SQOR: variants seen among roughly 807,000 people sequenced by gnomAD.
The protein encoded by SQOR is sulfide:quinone oxidoreductase, mitochondrial.
In SQOR, 39 loss-of-function variants were observed where a neutral mutation model predicts 48.6. The observed-to-expected ratio is 0.80, with a 90% CI of 0.62 to 1.05. SQOR has a LOEUF of 1.05. SQOR is among the 50% of genes least tolerant of loss of function. The pLI is 0.00. For synonymous variants in SQOR, 220 were observed against 206.2 expected (o/e 1.07, Z -0.57); for missense variants, 561 against 559.9 (o/e 1.00, Z -0.02).
intron 1 of SQOR, among the ~76,000 whole-genome samples, chr15:45,657,265 A>ATTTT (rs33993204): frequency 0.29 from 42,688 of 147,796 alleles, 6,303 homozygotes; most frequent in South Asian, 0.32. Context: ...TGGAGCCTGC[A>ATTTT]TTTTTTTTTT....
rs763038859 is a variant in SQOR at position 45,688,349 on chromosome 15, G to A, written c.1061G>A (p.Gly354Glu). 1.2e-6 allele frequency: 2 copies of A among 1,606,292 alleles called. No homozygotes were observed. The highest frequency in any genetic ancestry group is 4.5e-5 in the East Asian group (2 of 44,750). Reference sequence around the variant, plus strand: ...ATTTCTCTTATAGCTGCCCAGTCAGGAATACTTGATAGGACAATTTCTGTA... The same window carrying A: ...ATTTCTCTTATAGCTGCCCAGTCAGAAATACTTGATAGGACAATTTCTGTA... ...KTAAAVAAQS[G>E]ILDRTISVIM... The change falls in exon 8 of 10, where the codon GGA (glycine) becomes GAA (glutamate). Residue 354 changes from glycine to glutamate, a missense_variant. By Grantham distance (98) the Gly-to-Glu change is moderately conservative. Coordinates refer to ENST00000260324, the MANE Select transcript of SQOR (RefSeq NM_021199.4).
intron 9 of SQOR, 138 bp from the exon 10 acceptor site, chr15:45,690,835 C>T: frequency 1.3e-6 from 1 of 773,164 alleles, no homozygotes; most frequent in East Asian, 2.4e-5. Flanking sequence ...GGGATCTCTC[C>T]AACTCACTAG....
In SQOR at chr15:45,667,459, T is replaced by C. The variant is rs1041511519; in HGVS notation, c.406-2469T>C. 1.5e-4 allele frequency among the ~76,000 whole-genome samples: 23 copies of C among 152,264 alleles called. 1 individual carries two copies. Among genetic ancestry groups the C allele is most frequent in the African/African-American group, 5.5e-4 (23 of 41,552 alleles). On this transcript the variant is annotated intron_variant, in intron 3 of 9. Coordinates refer to ENST00000260324, the MANE Select transcript of SQOR (RefSeq NM_021199.4). ...GAGAATACTTGCAGATATTCAGCCT[T>C]CTGGCAAGGTCTACACTGTTGTGCG...
At chr15:45,687,709 A>C (rs1890247972) in intron 7 of SQOR, among the ~76,000 whole-genome samples, 1 of 151,738 alleles carries the variant, frequency 6.6e-6, no homozygotes, top group Non-Finnish European at 1.5e-5. Context: ...ACAAATCCCG[A>C]TGTATGTATG....
intron 1 of SQOR, among the ~76,000 whole-genome samples, chr15:45,640,673 C>T (rs636910): frequency 6.6e-6 from 1 of 151,968 alleles, no homozygotes; most frequent in Non-Finnish European, 1.5e-5. Flanking sequence ...TGGCCAGTCC[C>T]GTTTACAGTG....
At position 45,647,173 on chromosome 15, in the gene SQOR, C is replaced by T. The variant is rs547629940; in HGVS notation, c.-17-11734C>T. Among the ~76,000 whole-genome samples, 10 of 151,822 alleles carry T rather than the reference C, an allele frequency of 6.6e-5. 1 individual carries two copies. In the South Asian group the frequency reaches 1.9e-3, roughly 28 times the overall value. On this transcript the variant is annotated intron_variant, in intron 1 of 9. Coordinates refer to ENST00000260324, the MANE Select transcript of SQOR (RefSeq NM_021199.4). ...CTGAGACAGGAGAATCGCTTGAATC[C>T]GGGAGGAGGAGGTTGCAGTGAGCCG...
At chr15:45,638,210 G>A (rs1176915654) in intron 1 of SQOR, among the ~76,000 whole-genome samples, 1 of 152,184 alleles carries the variant, frequency 6.6e-6, no homozygotes, top group East Asian at 1.9e-4. Flanking sequence ...CTGTAACTTT[G>A]GGAAGGGCAA....
chr15:45,638,029 C>T (rs1895036464), intron 1 of SQOR, among the ~76,000 whole-genome samples: 1 of 152,070 alleles, frequency 6.6e-6, no homozygotes, highest in Non-Finnish European at 1.5e-5. Context: ...CTTTGTAATC[C>T]CCAGATGTAG....
At chr15:45,685,768 AAC>A (rs1405224942) in intron 7 of SQOR, among the ~76,000 whole-genome samples, 1 of 152,224 alleles carries the variant, frequency 6.6e-6, no homozygotes, top group Non-Finnish European at 1.5e-5. Flanking sequence ...CTCAAAAAGG[AAC>A]ACAGTTTTCC....
chr15:45,644,897 T>C (rs575794203), intron 1 of SQOR, among the ~76,000 whole-genome samples: 1 of 152,278 alleles, frequency 6.6e-6, no homozygotes, highest in South Asian at 2.1e-4. Context: ...AGAATATGGC[T>C]CTGGATTGAT....
intron 3 of SQOR, among the ~76,000 whole-genome samples, chr15:45,667,878 G>T (rs1341986274): frequency 6.6e-6 from 1 of 151,154 alleles, no homozygotes; most frequent in Non-Finnish European, 1.5e-5. Context: ...AACGGGCCTG[G>T]TGCCCTTTCC....
chr15:45,646,185 A>C (rs1895202387), intron 1 of SQOR, among the ~76,000 whole-genome samples: 1 of 152,202 alleles, frequency 6.6e-6, no homozygotes. Flanking sequence ...AGGAGACAGC[A>C]TGTGGGGCCA....
intron 1 of SQOR, among the ~76,000 whole-genome samples, chr15:45,653,168 A>T (rs927205411): frequency 1.3e-5 from 2 of 152,162 alleles, no homozygotes; most frequent in African/African-American, 4.8e-5. Context: ...ATTCAATTCA[A>T]TTGTGGCATT....
At chr15:45,649,869 T>G (rs950280522) in intron 1 of SQOR, among the ~76,000 whole-genome samples, 1 of 151,962 alleles carries the variant, frequency 6.6e-6, no homozygotes, top group Non-Finnish European at 1.5e-5. Context: ...TTGTGTGTGT[T>G]TTTTTGAGAC....
chr15:45,659,061 G>T lies in SQOR; in HGVS notation c.138G>T (p.Val46=). Reference sequence around the variant, plus strand: ...ATGCGGCCAGGAACCATTATGAGGTGCTGGTGCTGGGTGGGGGCAGTGGCG... The same window carrying T: ...ATGCGGCCAGGAACCATTATGAGGTTCTGGTGCTGGGTGGGGGCAGTGGCG... ...ASHAARNHYE[V]LVLGGGSGGI... The change falls in exon 2 of 10, where the codon GTG becomes GTT. Residue 46 remains valine (V), a synonymous_variant. Coordinates refer to ENST00000260324, the MANE Select transcript of SQOR (RefSeq NM_021199.4). 1 of 1,597,326 alleles carries T rather than the reference G, an allele frequency of 6.3e-7. No individual in the cohort carries two copies. The highest frequency in any genetic ancestry group is 8.5e-7 in the Non-Finnish European group (1 of 1,172,518).
At chr15:45,673,501 A>G in intron 4 of SQOR, 106 bp from the exon 5 acceptor site, 2 of 1,233,670 alleles carry the variant, frequency 1.6e-6, no homozygotes, top group South Asian at 1.4e-5. Flanking sequence ...ATTGGAGGGT[A>G]ATGATAGTAC....
chr15:45,659,103 C>G lies in SQOR; in HGVS notation c.180C>G (p.Ala60=). 6.3e-7 allele frequency: 1 copy of G among 1,582,088 alleles called. No homozygotes were observed. Among genetic ancestry groups the G allele is most frequent in the Non-Finnish European group, 8.6e-7 (1 of 1,162,724 alleles). The change falls in exon 2 of 10, where the codon GCC becomes GCG. Residue 60 remains alanine (A), a synonymous_variant. Coordinates refer to ENST00000260324, the MANE Select transcript of SQOR (RefSeq NM_021199.4). ...GCAGTGGCGGAATCACCATGGCTGC[C>G]CGCATGAAGAGGAAAGTGGGTGCAG... ...GGGSGGITMA[A]RMKRKVGAEN...
chr15:45,644,338 G>T (rs540272355), intron 1 of SQOR, among the ~76,000 whole-genome samples: 3 of 152,178 alleles, frequency 2.0e-5, no homozygotes, highest in South Asian at 2.1e-4. Flanking sequence ...CACCTGCCTC[G>T]GCCTTCTAAA....
At position 45,689,150 on chromosome 15, in the gene SQOR, G is replaced by A. The variant is rs775776740; in HGVS notation, c.1228G>A (p.Glu410Lys). Residue 410 changes from glutamate to lysine, a missense_variant, in exon 9 of 10, where the codon GAG becomes AAG. Glu to Lys is a moderately conservative substitution (Grantham distance 56, BLOSUM62 1). Transcript: ENST00000260324. ...LETFPFDQSK[E>K]RLSMYLMKAD... ...AACCTTCCCCTTTGATCAAAGCAAAGAGCGCCTTTCCATGTATCTCATGAA... is the reference window on the plus strand; with the variant it reads ...AACCTTCCCCTTTGATCAAAGCAAAAAGCGCCTTTCCATGTATCTCATGAA... 1.2e-6 allele frequency: 2 copies of A among 1,614,116 alleles called. No homozygotes were observed. The highest frequency in any genetic ancestry group is 2.7e-5 in the African/African-American group (2 of 75,034).
Sources: gnomAD v4.1 joint callset for allele counts (sites outside exome capture counted in the v4.1 genomes callset) on GRCh38, gnomAD v4.1.1 for gene constraint, MANE v1.5 for transcripts, NCBI Gene and HGNC (gene_info 2026-07-23, HGNC 2026-07-21) for gene names.